FTO: variants seen among roughly 807,000 people sequenced by gnomAD.
FTO encodes the protein alpha-ketoglutarate-dependent dioxygenase FTO.
A neutral mutation model predicts 63.9 loss-of-function variants in FTO; 47 were observed. The observed-to-expected ratio is 0.74, with a 90% confidence interval of 0.58 to 0.94. The LOEUF (loss-of-function observed/expected upper bound fraction) is 0.94, where lower values mean the gene tolerates loss of function less well. FTO is among the 40% of genes least tolerant of loss of function. FTO has a pLI of 0.00. For synonymous variants in FTO, 207 were observed against 224.4 expected (o/e 0.92, Z 0.69); for missense variants, 562 against 618.1 (o/e 0.91, Z 0.96).
chr16:53,909,162 TCAGCAGGCATCTAC>T (rs1439020753), intron 7 of FTO, among the ~76,000 whole-genome samples: 2 of 152,212 alleles, frequency 1.3e-5, no homozygotes, highest in African/African-American at 4.8e-5. Flanking sequence ...CAGTTCATAT[TCAGCAGGCATCTAC>T]CAGCGGGGCT....
In FTO at chr16:54,114,551, G is replaced by A. The variant is rs1346111606; in HGVS notation, c.*2636G>A. 1 of 152,160 alleles carries A rather than the reference G, an allele frequency of 6.6e-6. No homozygotes were observed. Among genetic ancestry groups the A allele is most frequent in the Admixed American group, 6.5e-5 (1 of 15,272 alleles). The allele number at this position is 152,160 out of a possible 1,614,324, so 9.4% of individuals were successfully genotyped here. A position where few individuals can be genotyped will look rare whatever the true frequency, so the allele number is the denominator to read the frequency against. Reference sequence around the variant, plus strand: ...GGCCCAGGTGGAATTAGTTCTCAAAGTCCTCCAGGTGGAGTCAGGGAATGT... The same window carrying A: ...GGCCCAGGTGGAATTAGTTCTCAAAATCCTCCAGGTGGAGTCAGGGAATGT... On this transcript the variant is annotated 3_prime_UTR_variant, in exon 9 of 9. Transcript: ENST00000471389.
chr16:53,757,956 T>C (rs780904878), intron 1 of FTO, among the ~76,000 whole-genome samples: 1 of 152,230 alleles, frequency 6.6e-6, no homozygotes, highest in Non-Finnish European at 1.5e-5. Context: ...TATTTTGCTT[T>C]AGCTGACTGT....
At chr16:53,852,611 A>G (rs986555012) in intron 4 of FTO, among the ~76,000 whole-genome samples, 16 of 152,368 alleles carry the variant, frequency 1.1e-4, no homozygotes, top group Admixed American at 1.0e-3. Context: ...TGTTTATTGC[A>G]AAATGAGATA....
At chr16:53,980,420 A>G (rs2083516071) in intron 8 of FTO, among the ~76,000 whole-genome samples, 1 of 152,206 alleles carries the variant, frequency 6.6e-6, no homozygotes, top group Admixed American at 6.5e-5. Context: ...TGTGGACTCT[A>G]AGCTAAGGAA....
At chr16:54,042,371 T>C (rs2085103057) in intron 8 of FTO, among the ~76,000 whole-genome samples, 1 of 106,922 alleles carries the variant, frequency 9.4e-6, no homozygotes, top group Non-Finnish European at 1.8e-5. Context: ...ATCGGGTCAC[T>C]CCCACCCGAA....
intron 1 of FTO, among the ~76,000 whole-genome samples, chr16:53,787,993 T>C (rs1296278892): frequency 2.0e-5 from 3 of 152,158 alleles, no homozygotes; most frequent in Non-Finnish European, 4.4e-5. Context: ...AACCATATAT[T>C]GTGGGTACTC....
intron 6 of FTO, among the ~76,000 whole-genome samples, chr16:53,888,258 C>A (rs908622647): frequency 1.4e-5 from 2 of 145,406 alleles, no homozygotes; most frequent in Non-Finnish European, 3.0e-5. Context: ...GGCTGGAATG[C>A]AGTGGCACAA....
intron 7 of FTO, chr16:53,911,415 C>T (rs775475037): frequency 6.1e-5 from 43 of 702,948 alleles, no homozygotes; most frequent in South Asian, 1.3e-4. Flanking sequence ...GTAATAGTGT[C>T]GAACCCTGCA....
chr16:54,008,042 G>A (rs2084251735), intron 8 of FTO, among the ~76,000 whole-genome samples: 1 of 152,180 alleles, frequency 6.6e-6, no homozygotes. Flanking sequence ...TGCAAAGGAT[G>A]TGCCCAAGAA....
At chr16:54,101,784 G>A (rs2086647794) in intron 8 of FTO, among the ~76,000 whole-genome samples, 1 of 152,192 alleles carries the variant, frequency 6.6e-6, no homozygotes, top group South Asian at 2.1e-4. Context: ...GCCACCAACA[G>A]TGTATAAGTG....
chr16:54,067,613 T>C lies in FTO; in HGVS notation c.1365-44149T>C, dbSNP rs148639658. Among the ~76,000 whole-genome samples the C allele has an allele frequency of 3.0e-3, 453 of 152,326 alleles. 3 individuals carry two copies. Among genetic ancestry groups the C allele is most frequent in the African/African-American group, 0.01 (433 of 41,582 alleles). Reference sequence around the variant, plus strand: ...CCATATCACTACCCACAGATGCCAGTAGACATAAAAATTGCTCTCTAGTGA... The same window carrying C: ...CCATATCACTACCCACAGATGCCAGCAGACATAAAAATTGCTCTCTAGTGA... On this transcript the variant is annotated intron_variant, in intron 8 of 8. Coordinates refer to ENST00000471389, the MANE Select transcript of FTO (RefSeq NM_001080432.3).
At chr16:54,107,155 A>G (rs946697204) in intron 8 of FTO, among the ~76,000 whole-genome samples, 1 of 151,236 alleles carries the variant, frequency 6.6e-6, no homozygotes, top group Admixed American at 6.6e-5. Context: ...GTATATACAT[A>G]TTATTTTCCT....
chr16:54,059,349 T>G (rs1468036894), intron 8 of FTO, among the ~76,000 whole-genome samples: 1 of 152,250 alleles, frequency 6.6e-6, no homozygotes, highest in East Asian at 1.9e-4. Context: ...ATAATTCACC[T>G]AGTCATCTCT....
intron 3 of FTO, among the ~76,000 whole-genome samples, chr16:53,837,262 A>G (rs17818866): frequency 0.27 from 40,476 of 152,134 alleles, 5,821 homozygotes; most frequent in African/African-American, 0.37. Flanking sequence ...TCTGTAATGT[A>G]AATATTTTTA....
At chr16:53,774,271 G>A (rs905751605) in intron 1 of FTO, among the ~76,000 whole-genome samples, 1 of 152,206 alleles carries the variant, frequency 6.6e-6, no homozygotes, top group African/African-American at 2.4e-5. Context: ...ACCCTTGTGT[G>A]TCTCCTCCAC....
intron 8 of FTO, among the ~76,000 whole-genome samples, chr16:54,058,754 A>G (rs372586500): frequency 6.6e-6 from 1 of 152,154 alleles, no homozygotes; most frequent in African/African-American, 2.4e-5. Flanking sequence ...TGAACCGGAG[A>G]ATGATGGAAC....
At chr16:53,718,080 A>G (rs1446011799) in intron 1 of FTO, among the ~76,000 whole-genome samples, 1 of 152,022 alleles carries the variant, frequency 6.6e-6, no homozygotes, top group Non-Finnish European at 1.5e-5. Context: ...TTTAATTGTT[A>G]TTGCATTAAA....
intron 1 of FTO, among the ~76,000 whole-genome samples, chr16:53,760,621 C>CTTTTT (rs1169039527): frequency 7.7e-4 from 86 of 111,870 alleles, no homozygotes; most frequent in Non-Finnish European, 1.3e-3. Context: ...TGCTTGCTTT[C>CTTTTT]TTTTTTTTTT....
intron 3 of FTO, among the ~76,000 whole-genome samples, chr16:53,843,629 G>A (rs556264798): frequency 2.5e-4 from 38 of 152,090 alleles, no homozygotes; most frequent in African/African-American, 8.9e-4. Context: ...ATATTTCCAT[G>A]TGTATTATAG....
Sources: gnomAD v4.1 joint callset for allele counts (sites outside exome capture counted in the v4.1 genomes callset) on GRCh38, gnomAD v4.1.1 for gene constraint, MANE v1.5 for transcripts, NCBI Gene and HGNC (gene_info 2026-07-23, HGNC 2026-07-21) for gene names.